Variants in DPP6 observed in about 807,000 individuals in gnomAD.
DPP6 encodes A-type potassium channel modulatory protein DPP6.
A neutral mutation model predicts 122.6 loss-of-function variants in DPP6; 69 were observed. The ratio of observed to expected loss-of-function variants is 0.56; its 90% CI spans 0.46 to 0.69. The LOEUF is 0.69. Among genes scored for constraint, DPP6 ranks in the 30% least tolerant of loss-of-function variants. The pLI, the probability that DPP6 is intolerant of heterozygous loss-of-function variation, is 0.00. For synonymous variants in DPP6, 418 were observed against 433.1 expected (o/e 0.97, Z 0.43); for missense variants, 928 against 1,116.9 (o/e 0.83, Z 2.41).
chr7:154,704,645 A>G (rs557834690), intron 7 of DPP6, among the ~76,000 whole-genome samples: 36 of 152,356 alleles, frequency 2.4e-4, no homozygotes, highest in Non-Finnish European at 5.1e-4. Context: ...TGCCAGCAAA[A>G]AGACGATGAC....
chr7:154,221,769 T>C (rs747433526), intron 1 of DPP6, among the ~76,000 whole-genome samples: 8 of 152,224 alleles, frequency 5.3e-5, no homozygotes, highest in Non-Finnish European at 8.8e-5. Flanking sequence ...TGAGAATTGC[T>C]ATTAACCTCT....
Position 153,906,707 on chromosome 7 carries a change from C to A in DPP6, c.51+18973C>A, listed in dbSNP as rs193014823. On this transcript the variant is annotated intron_variant, in intron 1 of 25. Coordinates refer to the DPP6 transcript ENST00000404039. ...ACTCAAGCAATCCACCCGCTTCAGG[C>A]AGCTAGGGTGTGAGGATTACAGGCG... Among the ~76,000 whole-genome samples the A allele has an allele frequency of 2.2e-3, 333 of 152,348 alleles. 1 individual carries two copies. Among genetic ancestry groups the A allele is most frequent in the African/African-American group, 7.7e-3 (321 of 41,584 alleles).
At chr7:154,305,120 G>A (rs924909153) in intron 1 of DPP6, 3 of 489,954 alleles carry the variant, frequency 6.1e-6, no homozygotes, top group Non-Finnish European at 8.0e-6. Flanking sequence ...TGCGCCGTGG[G>A]CGCCGGGCCG....
At chr7:154,588,094 C>T in intron 5 of DPP6, 2 of 1,595,566 alleles carry the variant, frequency 1.3e-6, no homozygotes, top group Non-Finnish European at 1.7e-6. Context: ...AGCCTTGCAG[C>T]CTCTGCTGCC....
At chr7:154,352,138 C>T (rs565352714) in intron 1 of DPP6, among the ~76,000 whole-genome samples, 5 of 152,030 alleles carry the variant, frequency 3.3e-5, no homozygotes, top group Admixed American at 6.5e-5. Context: ...GGGAAGCAAA[C>T]CTTTTGGAGT....
the DPP6 span, among the ~76,000 whole-genome samples, chr7:153,802,602 T>C: frequency 1.3e-5 from 2 of 152,086 alleles, no homozygotes; most frequent in South Asian, 2.1e-4. Flanking sequence ...TACTCAATTA[T>C]TGATGTTGTA....
At chr7:153,805,251 C>G in the DPP6 span, among the ~76,000 whole-genome samples, 5 of 152,132 alleles carry the variant, frequency 3.3e-5, no homozygotes, top group Admixed American at 2.0e-4. Context: ...ACATTTTAGA[C>G]TTGATAAAAT....
In DPP6 at chr7:154,262,487, GGA is replaced by G. The variant is rs992520347; in HGVS notation, c.244-183721_244-183720del. Reference sequence around the variant, plus strand: ...TGAGAAGGTGCCGTCTGCAAGCCAGGGAGAGAGGCCTCAGAGGAATCCAGCCC... The same window carrying G: ...TGAGAAGGTGCCGTCTGCAAGCCAGGGAGAGGCCTCAGAGGAATCCAGCCC... On this transcript the variant is annotated intron_variant, in intron 1 of 25. Coordinates refer to ENST00000377770, the MANE Select transcript of DPP6 (RefSeq NM_130797.4). 1.2e-3 allele frequency among the ~76,000 whole-genome samples: 178 copies of G among 152,178 alleles called. 1 individual carries two copies. The highest frequency in any genetic ancestry group is 4.0e-3 in the African/African-American group (166 of 41,542).
At chr7:154,820,931 A>G (rs1799721712) in intron 16 of DPP6, among the ~76,000 whole-genome samples, 1 of 152,250 alleles carries the variant, frequency 6.6e-6, no homozygotes, top group African/African-American at 2.4e-5. Context: ...GATTACAGGC[A>G]GGGCTCAGTG....
chr7:154,373,282 C>T (rs754372848), intron 1 of DPP6, among the ~76,000 whole-genome samples: 8 of 152,168 alleles, frequency 5.3e-5, no homozygotes, highest in Non-Finnish European at 8.8e-5. Flanking sequence ...AAGGGCCAGC[C>T]TTCAAGAAAA....
chr7:154,310,207 G>A (rs985308441), intron 1 of DPP6, among the ~76,000 whole-genome samples: 2 of 152,208 alleles, frequency 1.3e-5, no homozygotes, highest in African/African-American at 4.8e-5. Flanking sequence ...GAGTCTTTGG[G>A]GAAGGGAAAG....
At chr7:153,929,024 A>G (rs969414702) in intron 1 of DPP6, among the ~76,000 whole-genome samples, 1 of 152,156 alleles carries the variant, frequency 6.6e-6, no homozygotes, top group African/African-American at 2.4e-5. Context: ...GGCACCTTAC[A>G]GCATCCTACA....
intron 1 of DPP6, among the ~76,000 whole-genome samples, chr7:154,245,104 C>T (rs1801887718): frequency 6.6e-6 from 1 of 151,794 alleles, no homozygotes; most frequent in Middle Eastern, 3.4e-3. Flanking sequence ...GCATGCACCA[C>T]CATGCCCAGC....
At chr7:154,001,763 T>C (rs1797701984) in intron 1 of DPP6, among the ~76,000 whole-genome samples, 1 of 151,824 alleles carries the variant, frequency 6.6e-6, no homozygotes, top group African/African-American at 2.4e-5. Context: ...TGTAGACCAT[T>C]AATGGGCGAA....
chr7:153,803,756 T>C, the DPP6 span, among the ~76,000 whole-genome samples: 22 of 151,492 alleles, frequency 1.5e-4, no homozygotes, highest in African/African-American at 3.6e-4. Context: ...ATATAAATTA[T>C]ATATAAACTT....
intron 1 of DPP6, among the ~76,000 whole-genome samples, chr7:154,059,885 A>G (rs1274057516): frequency 6.6e-6 from 1 of 151,714 alleles, no homozygotes; most frequent in Non-Finnish European, 1.5e-5. Context: ...CTTGGCAGCA[A>G]CTGCCCTGCT....
intron 1 of DPP6, among the ~76,000 whole-genome samples, chr7:154,107,218 G>A (rs1391122463): frequency 2.6e-5 from 4 of 152,206 alleles, no homozygotes; most frequent in African/African-American, 4.8e-5. Flanking sequence ...GATAAGAAAC[G>A]TGTGGTGTAT....
rs778278455 is a variant in DPP6 at position 154,892,818 on chromosome 7, C to T, written c.*338C>T. The T allele has an allele frequency of 1.8e-6, 1 of 564,258 alleles. No homozygotes were observed. Among genetic ancestry groups the T allele is most frequent in the South Asian group, 1.4e-5 (1 of 71,988 alleles). 35.0% of individuals were successfully genotyped at this position (564,258 alleles called of 1,614,324 possible). A position where few individuals can be genotyped will look rare whatever the true frequency, so the allele number is the denominator to read the frequency against. The stretch of plus-strand genomic sequence containing the variant: ...ACGCGAGCCCACAGGACACCGGCCC[C>T]TAGATTCCAGCCACCAAGCGGAAGC... On this transcript the variant is annotated 3_prime_UTR_variant, in exon 26 of 26. Coordinates refer to ENST00000377770, the MANE Select transcript of DPP6 (RefSeq NM_130797.4).
chr7:153,853,281 C>A, the DPP6 span, among the ~76,000 whole-genome samples: 1 of 152,226 alleles, frequency 6.6e-6, no homozygotes, highest in African/African-American at 2.4e-5. Flanking sequence ...CATCTTCAAC[C>A]TGATCTCGTT....
Sources: allele counts gnomAD v4.1 joint callset (sites outside exome capture counted in the v4.1 genomes callset), GRCh38; gene constraint gnomAD v4.1.1; transcripts MANE v1.5; gene names NCBI Gene and HGNC (gene_info 2026-07-23, HGNC 2026-07-21).